PIAS2: variants seen among roughly 807,000 people sequenced by gnomAD.
PIAS2 encodes the protein protein inhibitor of activated STAT 2, also known as E3 SUMO-protein ligase PIAS2.
Under a neutral mutation model 69.7 loss-of-function variants are expected in PIAS2, and 19 were observed. The observed-to-expected ratio is 0.27, with a 90% CI of 0.19 to 0.40. PIAS2 has a LOEUF of 0.40. Among genes scored for constraint, PIAS2 ranks in the 10% least tolerant of loss-of-function variants. The pLI, the probability that PIAS2 is intolerant of heterozygous loss-of-function variation, is 1.00. For missense variants in PIAS2, 624 were observed against 757.0 expected, an observed-to-expected ratio of 0.82 and a Z score of 2.06; for synonymous variants, 261 against 263.2, an observed-to-expected ratio of 0.99 and a Z score of 0.08.
chr18:46,859,330 C>A (rs1050851741), intron 3 of PIAS2, among the ~76,000 whole-genome samples: 2 of 146,894 alleles, frequency 1.4e-5, no homozygotes, highest in South Asian at 2.2e-4. Context: ...CAGGAGGCTG[C>A]GGCAGGAGAA....
intron 12 of PIAS2, chr18:46,816,089 G>C: frequency 1.0e-6 from 1 of 984,864 alleles, no homozygotes; most frequent in Non-Finnish European, 1.2e-6. Context: ...AGTTCACCTA[G>C]ACCTCCCTGT....
At chr18:46,857,816 AG>A (rs1396272910) in intron 3 of PIAS2, among the ~76,000 whole-genome samples, 2 of 152,354 alleles carry the variant, frequency 1.3e-5, no homozygotes, top group South Asian at 2.1e-4. Context: ...TCACTGTTCT[AG>A]GAAGTTTTAC....
At chr18:46,913,200 C>T (rs1333985890) in intron 1 of PIAS2, among the ~76,000 whole-genome samples, 1 of 152,152 alleles carries the variant, frequency 6.6e-6, no homozygotes, top group African/African-American at 2.4e-5. Flanking sequence ...CCATTAACTT[C>T]CCATTCTCCT....
chr18:46,817,603 G>C (rs777610513), intron 12 of PIAS2: 3 of 950,170 alleles, frequency 3.2e-6, no homozygotes, highest in Non-Finnish European at 3.8e-6. Context: ...ACGGAAAATT[G>C]AATGTGGTGA....
intron 2 of PIAS2, among the ~76,000 whole-genome samples, chr18:46,875,470 T>C (rs1399438748): frequency 6.6e-6 from 1 of 152,166 alleles, no homozygotes; most frequent in Non-Finnish European, 1.5e-5. Flanking sequence ...CCCTCCATAT[T>C]CGAATGGTAT....
At position 46,860,756 on chromosome 18, in the gene PIAS2, C is replaced by G. The variant is rs150876790; in HGVS notation, c.584+3408G>C. Among the ~76,000 whole-genome samples, 26 of 152,186 alleles carry G rather than the reference C, an allele frequency of 1.7e-4. No individual in the cohort carries two copies. The East Asian group carries it at 5.0e-3, about 29-fold the overall frequency. On this transcript the variant is annotated intron_variant, in intron 3 of 13. Transcript: ENST00000585916. ...GTTTGGGGGACAAAGGAGGGAAGATCACTTGAGCACAGGTGTCTGAGACTA... is the reference window on the plus strand; with the variant it reads ...GTTTGGGGGACAAAGGAGGGAAGATGACTTGAGCACAGGTGTCTGAGACTA...
intron 2 of PIAS2, among the ~76,000 whole-genome samples, chr18:46,878,247 C>T (rs1451298158): frequency 6.6e-6 from 1 of 152,100 alleles, no homozygotes; most frequent in Non-Finnish European, 1.5e-5. Flanking sequence ...GTTTTGTGGA[C>T]TAAATGCAGG....
At chr18:46,871,260 G>A (rs1013168873) in intron 2 of PIAS2, among the ~76,000 whole-genome samples, 3 of 152,120 alleles carry the variant, frequency 2.0e-5, no homozygotes, top group Non-Finnish European at 2.9e-5. Flanking sequence ...GAAAAATTAC[G>A]TTACCCACCT....
intron 2 of PIAS2, among the ~76,000 whole-genome samples, chr18:46,867,760 C>A (rs1599967570): frequency 6.6e-6 from 1 of 152,328 alleles, no homozygotes; most frequent in African/African-American, 2.4e-5. Flanking sequence ...ATTCTTCCAA[C>A]TGAGTAGTGG....
chr18:46,895,691 T>C (rs1469725108), intron 1 of PIAS2, among the ~76,000 whole-genome samples: 1 of 152,054 alleles, frequency 6.6e-6, no homozygotes, highest in Non-Finnish European at 1.5e-5. Context: ...AATAATCATC[T>C]ACATCTTCAT....
At chr18:46,865,522 C>CAAAAAA (rs11321908) in intron 2 of PIAS2, among the ~76,000 whole-genome samples, 1 of 108,260 alleles carries the variant, frequency 9.2e-6, no homozygotes, top group Non-Finnish European at 2.0e-5. Flanking sequence ...CGATAGTCTT[C>CAAAAAA]AAAAAAAAAA....
At chr18:46,897,030 G>A (rs1451290235) in intron 1 of PIAS2, among the ~76,000 whole-genome samples, 1 of 152,112 alleles carries the variant, frequency 6.6e-6, no homozygotes, top group Non-Finnish European at 1.5e-5. Context: ...GCTGTGTACT[G>A]GGGACACGAA....
At chr18:46,882,667 AG>A (rs556109606) in intron 2 of PIAS2, among the ~76,000 whole-genome samples, 505 of 152,310 alleles carry the variant, frequency 3.3e-3, no homozygotes, top group African/African-American at 0.012. Flanking sequence ...AAACAGTGAA[AG>A]CCCATTGAAG....
upstream of PIAS2, among the ~76,000 whole-genome samples, chr18:46,919,033 TGTG>T: frequency 6.7e-6 from 1 of 148,284 alleles, no homozygotes; most frequent in East Asian, 2.0e-4. Context: ...GTGTGTGTGT[TGTG>T]TATATATACA....
In PIAS2 at chr18:46,812,381, C is replaced by G. The variant is rs960605219; in HGVS notation, c.*52G>C. The G allele has an allele frequency of 6.8e-5, 76 of 1,111,436 alleles. No homozygotes were observed. The highest frequency in any genetic ancestry group is 8.9e-5 in the Non-Finnish European group (68 of 766,432). 68.8% of individuals were successfully genotyped at this position (1,111,436 alleles called of 1,614,324 possible). ...AAGAACGTTTCCACAGACTAGAGAT[C>G]CAAGAAAAAGCAGTTCTGATGAATG... On this transcript the variant is annotated 3_prime_UTR_variant, in exon 14 of 14. Transcript: ENST00000585916.
intron 8 of PIAS2, among the ~76,000 whole-genome samples, chr18:46,837,407 C>T (rs1213907708): frequency 1.3e-5 from 2 of 152,124 alleles, no homozygotes; most frequent in African/African-American, 2.4e-5. Context: ...TTTCTAAGAA[C>T]TTTCTACCTA....
intron 3 of PIAS2, among the ~76,000 whole-genome samples, chr18:46,863,651 G>A (rs1252125341): frequency 6.6e-6 from 1 of 152,122 alleles, no homozygotes; most frequent in Non-Finnish European, 1.5e-5. Context: ...TAATCTAAAA[G>A]ACATTGAGGT....
In PIAS2 at chr18:46,807,697, C is replaced by T. The variant is rs541264162; in HGVS notation, c.*4736G>A. On this transcript the variant is annotated 3_prime_UTR_variant, in exon 14 of 14. Transcript: ENST00000585916. ...CAGGCGTGAGCCTCCATACCCGGCCCATGTCAGATATATTTAAAACTAAGA... is the reference window on the plus strand; with the variant it reads ...CAGGCGTGAGCCTCCATACCCGGCCTATGTCAGATATATTTAAAACTAAGA... 2 of 152,124 alleles carry T rather than the reference C, an allele frequency of 1.3e-5. No homozygotes were observed. Among genetic ancestry groups the T allele is most frequent in the East Asian group, 3.9e-4 (2 of 5,170 alleles). 9.4% of individuals were successfully genotyped at this position (152,124 alleles called of 1,614,324 possible). A position where few individuals can be genotyped will look rare whatever the true frequency, so the allele number is the denominator to read the frequency against.
Position 46,884,321 on chromosome 18 carries a change from A to AT in PIAS2, c.499+6258dup, listed in dbSNP as rs990387083. The stretch of plus-strand genomic sequence containing the variant: ...CTCATGTTTTATTTATTTATTTTTT[A>AT]TTTTTTTTTGAGACAGAGTCTCACT... On this transcript the variant is annotated intron_variant, in intron 2 of 13. Transcript: ENST00000585916. Among the ~76,000 whole-genome samples, 78 of 150,358 alleles carry AT rather than the reference A, an allele frequency of 5.2e-4. 1 individual carries two copies. The highest frequency in any genetic ancestry group is 3.9e-3 in the East Asian group (20 of 5,076).
Sources: gnomAD v4.1 joint callset for allele counts (sites outside exome capture counted in the v4.1 genomes callset) on GRCh38, gnomAD v4.1.1 for gene constraint, MANE v1.5 for transcripts, NCBI Gene and HGNC (gene_info 2026-07-23, HGNC 2026-07-21) for gene names.